Variants in LIX1L observed in about 807,000 individuals in gnomAD.
LIX1L encodes the protein limb and CNS expressed 1 like.
A neutral mutation model predicts 34.0 loss-of-function variants in LIX1L; 20 were observed. The observed-to-expected ratio is 0.59, with a 90% confidence interval of 0.41 to 0.85. The LOEUF is 0.85. Ranked by LOEUF, LIX1L falls within the 40% of genes least tolerant of loss-of-function variation. The pLI is 0.00. For synonymous variants in LIX1L, 170 were observed against 187.4 expected (o/e 0.91, Z 0.76); for missense variants, 397 against 447.0 (o/e 0.89, Z 1.01).
At chr1:145,939,385 A>G (rs1465524585) in intron 3 of LIX1L, among the ~76,000 whole-genome samples, 1 of 148,852 alleles carries the variant, frequency 6.7e-6, no homozygotes, top group Non-Finnish European at 1.5e-5. Flanking sequence ...AGTTCACCGC[A>G]ACCTCCACCT....
intron 1 of LIX1L, among the ~76,000 whole-genome samples, chr1:145,951,171 T>C (rs1295465897): frequency 6.6e-6 from 1 of 152,158 alleles, no homozygotes; most frequent in African/African-American, 2.4e-5. Flanking sequence ...CTCAGCCTCT[T>C]GAGTAGCTGG....
Position 145,933,780 on chromosome 1 carries a change from T to C in LIX1L, c.*2530A>G, listed in dbSNP as rs1441394802. ...TCATGGAATACAAACATGGGGCTTC[T>C]ACCCCAGCTCTCTTCTGATTAGTAA... On this transcript the variant is annotated 3_prime_UTR_variant, in exon 6 of 6. Transcript: ENST00000604000. The C allele has an allele frequency of 1.3e-5, 2 of 152,064 alleles. No homozygotes were observed. The highest frequency in any genetic ancestry group is 1.3e-4 in the Admixed American group (2 of 15,250). The allele number at this position is 152,064 out of a possible 1,614,324, so 9.4% of individuals were successfully genotyped here. A position where few individuals can be genotyped will look rare whatever the true frequency, so the allele number is the denominator to read the frequency against.
chr1:145,937,984 C>T (rs967763103), intron 3 of LIX1L, among the ~76,000 whole-genome samples: 7 of 151,798 alleles, frequency 4.6e-5, no homozygotes, highest in African/African-American at 1.2e-4. Flanking sequence ...AAAAATTAGC[C>T]GGGCATGGTA....
chr1:145,957,591 C>T (rs1570976950), intron 1 of LIX1L, 45 bp downstream of exon 1: 2 of 1,446,460 alleles, frequency 1.4e-6, no homozygotes, highest in South Asian at 2.9e-5. Context: ...GAGCAAGGCT[C>T]CCTTACAGAG....
chr1:145,952,413 G>A, intron 1 of LIX1L, among the ~76,000 whole-genome samples: 1 of 152,302 alleles, frequency 6.6e-6, no homozygotes, highest in East Asian at 1.9e-4. Context: ...AGGAAGAACT[G>A]AGATATACAC....
At position 145,957,970 on chromosome 1, in the gene LIX1L, C is replaced by A. The variant is rs1649558518; in HGVS notation, c.-43G>T. On this transcript the variant is annotated 5_prime_UTR_variant, in exon 1 of 6. Transcript: ENST00000604000. ...TAGCGCCCCGGAGCCTGCCAGCCTG[C>A]CGAGCTAACGGTCCCAACCACCCCA... The A allele has an allele frequency of 2.2e-6, 3 of 1,359,162 alleles. No individual in the cohort carries two copies. The Admixed American group carries it at 9.6e-5, about 43-fold the overall frequency. 84.2% of individuals were successfully genotyped at this position (1,359,162 alleles called of 1,614,324 possible).
At position 145,957,693 on chromosome 1, in the gene LIX1L, C is replaced by G. The variant is rs1649529727; in HGVS notation, c.235G>C (p.Glu79Gln). The G allele has an allele frequency of 6.6e-7, 1 of 1,526,572 alleles. No individual in the cohort carries two copies. The highest frequency in any genetic ancestry group is 1.4e-5 in the African/African-American group (1 of 69,716). The allele number at this position is 1,526,572 out of a possible 1,614,324, so 94.6% of individuals were successfully genotyped here. A position where few individuals can be genotyped will look rare whatever the true frequency, so the allele number is the denominator to read the frequency against. The change falls in exon 1 of 6, where the codon GAG becomes CAG. Residue 79 changes from glutamate (E) to glutamine (Q), a missense_variant. Transcript: ENST00000604000. ...GAAGSPAVLR[E>Q]AVEAVVRSFA... ...CTCCTCACCACGGCCTCCACGGCCT[C>G]TCGCAGCACTGCCGGGCTGCCGGCG...
At chr1:145,951,001 C>T (rs1448925031) in intron 1 of LIX1L, among the ~76,000 whole-genome samples, 2 of 152,184 alleles carry the variant, frequency 1.3e-5, no homozygotes, top group South Asian at 2.1e-4. Context: ...TGGCATCATT[C>T]TAAGCATTGA....
intron 3 of LIX1L, among the ~76,000 whole-genome samples, chr1:145,939,172 A>T (rs1222456625): frequency 1.3e-5 from 2 of 151,458 alleles, no homozygotes; most frequent in Non-Finnish European, 2.9e-5. Flanking sequence ...TGTAGAGATG[A>T]AGTCTCTTTA....
chr1:145,957,339 G>A (rs1553760474), intron 1 of LIX1L, among the ~76,000 whole-genome samples: 1 of 152,224 alleles, frequency 6.6e-6, no homozygotes, highest in African/African-American at 2.4e-5. Context: ...AGATGTTAAG[G>A]TATTAAGCTG....
At chr1:145,957,540 TG>T in intron 1 of LIX1L, 95 bp downstream of exon 1, 3 of 1,335,776 alleles carry the variant, frequency 2.2e-6, no homozygotes, top group Non-Finnish European at 2.9e-6. Context: ...GAAATGCATG[TG>T]AGGGCTCCAC....
intron 1 of LIX1L, among the ~76,000 whole-genome samples, chr1:145,954,221 A>G (rs1486275101): frequency 6.6e-6 from 1 of 152,182 alleles, no homozygotes; most frequent in Admixed American, 6.5e-5. Flanking sequence ...TGGAGGGAGC[A>G]CGGCCCTGCC....
At chr1:145,957,584 C>T in intron 1 of LIX1L, 52 bp downstream of exon 1, 1 of 1,414,108 alleles carries the variant, frequency 7.1e-7, no homozygotes, top group Non-Finnish European at 9.2e-7. Context: ...ACTGTGGGAG[C>T]AAGGCTCCCT....
chr1:145,949,274 A>T (rs912581906), intron 1 of LIX1L, among the ~76,000 whole-genome samples: 11 of 152,318 alleles, frequency 7.2e-5, no homozygotes, highest in African/African-American at 2.6e-4. Context: ...AGTTCTATAA[A>T]GGAGTGATAG....
rs781861265 is a variant in LIX1L at position 145,942,702 on chromosome 1, A to G, written c.597+11T>C. ...TCCCACTCTCCTTCCTTCCAGCTCC[A>G]TACAACTTACATTAAAAGATGCCAG... On this transcript the variant is annotated intron_variant, in intron 3 of 5. Coordinates refer to ENST00000604000, the MANE Select transcript of LIX1L (RefSeq NM_153713.3). 9 of 1,613,710 alleles carry G rather than the reference A, an allele frequency of 5.6e-6. No individual in the cohort carries two copies. Among genetic ancestry groups the G allele is most frequent in the Non-Finnish European group, 6.8e-6 (8 of 1,179,796 alleles).
intron 1 of LIX1L, among the ~76,000 whole-genome samples, chr1:145,951,845 G>A (rs141054047): frequency 8.5e-5 from 13 of 152,294 alleles, no homozygotes; most frequent in African/African-American, 2.2e-4. Flanking sequence ...AAAAGCATAT[G>A]TTCAGTCTCT....
Position 145,934,008 on chromosome 1 carries a change from TTC to T in LIX1L, c.*2300_*2301del, listed in dbSNP as rs1553757321. 1 of 152,344 alleles carries T rather than the reference TTC, an allele frequency of 6.6e-6. No individual in the cohort carries two copies. Among genetic ancestry groups the T allele is most frequent in the African/African-American group, 2.4e-5 (1 of 41,570 alleles). The allele number at this position is 152,344 out of a possible 1,614,324, so 9.4% of individuals were successfully genotyped here. On this transcript the variant is annotated 3_prime_UTR_variant, in exon 6 of 6. Transcript: ENST00000604000. Reference sequence around the variant, plus strand: ...TTATTGTTGTTGTTACACTTGAACTTTCTGTTTGGAACCTAATCTATTTCTAA... The same window carrying T: ...TTATTGTTGTTGTTACACTTGAACTTTGTTTGGAACCTAATCTATTTCTAA...
Position 145,948,375 on chromosome 1 carries a change from T to C in LIX1L, c.293-593A>G, listed in dbSNP as rs1649181541. On this transcript the variant is annotated intron_variant, in intron 1 of 5. Transcript: ENST00000604000. The surrounding 1 kb of genome is among the most constrained non-coding windows in gnomAD (Gnocchi z 4.0). Reference sequence around the variant, plus strand: ...TGCCCAAGGTTATGCCAGGAGAAAGTAGCAGTTTGAGTATTCAAACTCAAG... The same window carrying C: ...TGCCCAAGGTTATGCCAGGAGAAAGCAGCAGTTTGAGTATTCAAACTCAAG... Among the ~76,000 whole-genome samples the C allele has an allele frequency of 1.3e-5, 2 of 152,206 alleles. No individual in the cohort carries two copies. The highest frequency in any genetic ancestry group is 2.9e-5 in the Non-Finnish European group (2 of 68,040).
At position 145,935,458 on chromosome 1, in the gene LIX1L, A is replaced by C. The variant is rs1648602612; in HGVS notation, c.*852T>G. ...TTCCAAAAAATAAAATGTTAGGTGA[A>C]GGGAAATATGGAAATATGTTTTACT... is the stretch of plus-strand genomic sequence containing the variant. On this transcript the variant is annotated 3_prime_UTR_variant, in exon 6 of 6. Transcript: ENST00000604000. The C allele has an allele frequency of 6.6e-6, 1 of 152,426 alleles. No homozygotes were observed. Among genetic ancestry groups the C allele is most frequent in the Non-Finnish European group, 1.5e-5 (1 of 68,086 alleles). 9.4% of individuals were successfully genotyped at this position (152,426 alleles called of 1,614,324 possible).
Sources: gnomAD v4.1 joint callset for allele counts (sites outside exome capture counted in the v4.1 genomes callset) on GRCh38, gnomAD v4.1.1 for gene constraint, Gnocchi (gnomAD v3.1) non-coding constraint, MANE v1.5 for transcripts, NCBI Gene and HGNC (gene_info 2026-07-23, HGNC 2026-07-21) for gene names.